AUTS2: variants seen among roughly 807,000 people sequenced by gnomAD.
AUTS2 encodes autism susceptibility gene 2 protein.
A neutral mutation model predicts 112.4 loss-of-function variants in AUTS2; 17 were observed. The observed-to-expected ratio is 0.15, with a 90% CI of 0.10 to 0.23. AUTS2 has a LOEUF of 0.23. Ranked by LOEUF, AUTS2 falls within the 10% of genes least tolerant of loss-of-function variation. The probability of loss-of-function intolerance (pLI) is 1.00; values close to 1 mark genes in which losing one functional copy is unlikely to be tolerated. For missense variants in AUTS2, 1,510 were observed against 1,701.6 expected (o/e 0.89, Z 1.98); for synonymous variants, 751 against 702.7 (o/e 1.07, Z -1.09).
At chr7:70,096,057 C>T (rs886194661) in intron 2 of AUTS2, among the ~76,000 whole-genome samples, 1 of 152,178 alleles carries the variant, frequency 6.6e-6, no homozygotes, top group Non-Finnish European at 1.5e-5. Flanking sequence ...ACCTACCCTT[C>T]TCTCCAGCTG....
At chr7:70,288,294 C>A (rs908400544) in intron 4 of AUTS2, among the ~76,000 whole-genome samples, 6 of 151,990 alleles carry the variant, frequency 3.9e-5, no homozygotes, top group African/African-American at 1.4e-4. Context: ...CCCAGCTACT[C>A]AGGAGGCTGA....
chr7:70,391,099 A>G (rs1793833016), intron 4 of AUTS2, among the ~76,000 whole-genome samples: 1 of 152,214 alleles, frequency 6.6e-6, no homozygotes, highest in Non-Finnish European at 1.5e-5. Context: ...GCCACCATCC[A>G]GTCCTGTTGT....
rs57223380 is a variant in AUTS2 at position 70,703,490 on chromosome 7, C to CAAAAAAAAAAAAAAAAAAA, written c.742+4874_742+4892dup. Among the ~76,000 whole-genome samples the CAAAAAAAAAAAAAAAAAAA allele has an allele frequency of 2.0e-5, 2 of 98,640 alleles. 1 individual carries two copies. The highest frequency in any genetic ancestry group is 3.8e-5 in the Non-Finnish European group (2 of 52,032). 64.7% of individuals were successfully genotyped at this position (98,640 alleles called of 152,430 possible). A position where few individuals can be genotyped will look rare whatever the true frequency, so the allele number is the denominator to read the frequency against. ...TGGGCGACAGAGTGAGACACCATTT[C>CAAAAAAAAAAAAAAAAAAA]AAAAAAAAAAAAAAAAAAAAAAGGC... On this transcript the variant is annotated intron_variant, in intron 6 of 18. Coordinates refer to ENST00000342771, the MANE Select transcript of AUTS2 (RefSeq NM_015570.4).
intron 4 of AUTS2, among the ~76,000 whole-genome samples, chr7:70,152,473 T>A (rs1807496887): frequency 6.6e-6 from 1 of 151,680 alleles, no homozygotes; most frequent in African/African-American, 2.4e-5. Context: ...AGCAACATCC[T>A]TAAAAGTACT....
chr7:70,256,873 A>G (rs1318525388), intron 4 of AUTS2, among the ~76,000 whole-genome samples: 3 of 152,102 alleles, frequency 2.0e-5, no homozygotes, highest in African/African-American at 7.2e-5. Context: ...TCTGGTGTAG[A>G]GCTAAGGGAA....
rs969782080 is a variant in AUTS2, at chr7:70,165,520, A to G, written c.660+30949A>G. ...GTGACATCTTTAAAAAACTGAAAGA[A>G]CAAATACCCTCAACCTAGAATTCTG... On this transcript the variant is annotated intron_variant, in intron 4 of 18. Transcript: ENST00000342771. 3.3e-5 allele frequency among the ~76,000 whole-genome samples: 5 copies of G among 152,334 alleles called. No homozygotes were observed. In the East Asian group the frequency reaches 9.6e-4, roughly 29 times the overall value.
rs1050699519 is a variant in AUTS2, at chr7:70,182,034, C to T, written c.660+47463C>T. 4.0e-5 allele frequency among the ~76,000 whole-genome samples: 6 copies of T among 148,522 alleles called. No homozygotes were observed. In the Admixed American group the frequency reaches 4.1e-4, roughly 10 times the overall value. On this transcript the variant is annotated intron_variant, in intron 4 of 18. Coordinates refer to ENST00000342771, the MANE Select transcript of AUTS2 (RefSeq NM_015570.4). ...AGGATGGTCTCGATCGATCTCCTGACCTCATGATCCGCCCATCTCGGCCTC... is the reference window on the plus strand; with the variant it reads ...AGGATGGTCTCGATCGATCTCCTGATCTCATGATCCGCCCATCTCGGCCTC...
intron 4 of AUTS2, among the ~76,000 whole-genome samples, chr7:70,214,031 G>C (rs942963026): frequency 1.3e-5 from 2 of 152,306 alleles, no homozygotes; most frequent in African/African-American, 4.8e-5. Flanking sequence ...AGGCTGGTTT[G>C]ATGCTAACAC....
At chr7:69,861,791 C>A (rs1584354756) in intron 1 of AUTS2, among the ~76,000 whole-genome samples, 1 of 152,172 alleles carries the variant, frequency 6.6e-6, no homozygotes, top group East Asian at 1.9e-4. Flanking sequence ...GTGGTTTCCT[C>A]ACATTCTGGG....
intron 5 of AUTS2, among the ~76,000 whole-genome samples, chr7:70,627,537 G>A (rs193128597): frequency 3.9e-5 from 6 of 152,248 alleles, no homozygotes; most frequent in East Asian, 3.9e-4. Context: ...CCCAGTCTTC[G>A]GGTATTAATC....
chr7:70,228,834 A>G (rs551081005), intron 4 of AUTS2, among the ~76,000 whole-genome samples: 1 of 152,068 alleles, frequency 6.6e-6, no homozygotes, highest in South Asian at 2.1e-4. Flanking sequence ...ACCTATGCTT[A>G]AAGAAGTTAA....
intron 2 of AUTS2, among the ~76,000 whole-genome samples, chr7:69,996,974 A>G (rs983794129): frequency 1.4e-5 from 2 of 145,218 alleles, no homozygotes; most frequent in Non-Finnish European, 3.0e-5. Flanking sequence ...AGCAAACTCC[A>G]GGCTCAATCC....
At chr7:70,094,436 G>C (rs1241075452) in intron 2 of AUTS2, among the ~76,000 whole-genome samples, 1 of 152,196 alleles carries the variant, frequency 6.6e-6, no homozygotes, top group Non-Finnish European at 1.5e-5. Flanking sequence ...TGATTCTAAA[G>C]AAGCAAAGGA....
At chr7:70,424,073 G>C (rs1795331209) in intron 4 of AUTS2, among the ~76,000 whole-genome samples, 1 of 152,192 alleles carries the variant, frequency 6.6e-6, no homozygotes, top group African/African-American at 2.4e-5. Flanking sequence ...GGTGGGGTGT[G>C]TATCATCGCC....
chr7:69,756,877 A>T (rs547024581), intron 1 of AUTS2, among the ~76,000 whole-genome samples: 18 of 152,178 alleles, frequency 1.2e-4, no homozygotes, highest in Non-Finnish European at 1.9e-4. Context: ...GTGAATGAAG[A>T]TATACTGAAT....
intron 3 of AUTS2, 65 bp downstream of exon 3, chr7:70,118,298 C>T: frequency 1.4e-6 from 2 of 1,441,252 alleles, no homozygotes; most frequent in Non-Finnish European, 1.8e-6. Flanking sequence ...ACACACACAC[C>T]ATTGGTTCAA....
chr7:70,621,581 T>C (rs1585392157), intron 5 of AUTS2, among the ~76,000 whole-genome samples: 1 of 152,188 alleles, frequency 6.6e-6, no homozygotes, highest in East Asian at 1.9e-4. Context: ...AGGTCAGATC[T>C]TTGAGGGGTG....
At chr7:70,675,357 G>A (rs1160604621) in intron 5 of AUTS2, among the ~76,000 whole-genome samples, 2 of 152,142 alleles carry the variant, frequency 1.3e-5, no homozygotes, top group Admixed American at 6.5e-5. Flanking sequence ...GCCAGGTGTG[G>A]TGGTGCATGC....
At chr7:69,729,753 A>G (rs1786697794) in intron 1 of AUTS2, among the ~76,000 whole-genome samples, 1 of 152,080 alleles carries the variant, frequency 6.6e-6, no homozygotes, top group Non-Finnish European at 1.5e-5. Flanking sequence ...ATCTGTGTAC[A>G]GTTTACACTG....
Sources: gnomAD v4.1 joint callset for allele counts (sites outside exome capture counted in the v4.1 genomes callset) on GRCh38, gnomAD v4.1.1 for gene constraint, MANE v1.5 for transcripts, NCBI Gene and HGNC (gene_info 2026-07-23, HGNC 2026-07-21) for gene names.